The following UNC79 variants were observed in gnomAD, a reference collection of about 807,000 sequenced individuals.
UNC79 encodes the protein unc-79 subunit of NALCN channel complex, also known as protein unc-79 homolog.
A neutral mutation model predicts 283.1 loss-of-function variants in UNC79; 37 were observed. The ratio of observed to expected loss-of-function variants is 0.13; its 90% CI spans 0.10 to 0.17. UNC79 has a LOEUF of 0.17. Ranked by LOEUF, UNC79 falls within the 10% of genes least tolerant of loss-of-function variation. The probability of loss-of-function intolerance (pLI) is 1.00; values close to 1 mark genes in which losing one functional copy is unlikely to be tolerated. For synonymous variants in UNC79, 1,107 were observed against 1,200.2 expected (o/e 0.92, Z 1.61); for missense variants, 2,272 against 3,211.1 (o/e 0.71, Z 7.07).
At chr14:93,457,197 C>T (rs1036750321) in intron 1 of UNC79, among the ~76,000 whole-genome samples, 2 of 152,214 alleles carry the variant, frequency 1.3e-5, no homozygotes, top group Non-Finnish European at 2.9e-5. Context: ...ATTCAACAAA[C>T]ATTTAGGACC....
Position 93,593,560 on chromosome 14 carries a change from C to G in UNC79, c.3033-120C>G, listed in dbSNP as rs1266433566. ...ATCCTCTCGTGGATGAGTGTCATTT[C>G]ACCAAAAGCACCCCTACCCACCGTC... On this transcript the variant is annotated intron_variant, in intron 22 of 48. Transcript: ENST00000555664. 3 of 1,186,634 alleles carry G rather than the reference C, an allele frequency of 2.5e-6. No individual in the cohort carries two copies. In the East Asian group the frequency reaches 7.3e-5, roughly 29 times the overall value. The allele number at this position is 1,186,634 out of a possible 1,614,324, so 73.5% of individuals were successfully genotyped here.
chr14:93,660,107 C>T (rs2071380097), intron 39 of UNC79, among the ~76,000 whole-genome samples: 1 of 152,156 alleles, frequency 6.6e-6, no homozygotes, highest in African/African-American at 2.4e-5. Context: ...GCATTCGCTG[C>T]AGTGGTACAA....
At chr14:93,373,029 A>G (rs1273796668) in intron 1 of UNC79, among the ~76,000 whole-genome samples, 2 of 152,254 alleles carry the variant, frequency 1.3e-5, no homozygotes, top group African/African-American at 4.8e-5. Flanking sequence ...GAAAATTTCA[A>G]AGTACTTGGA....
At chr14:93,652,580 AT>A (rs2070407682) in intron 35 of UNC79, among the ~76,000 whole-genome samples, 3 of 152,194 alleles carry the variant, frequency 2.0e-5, no homozygotes, top group Middle Eastern at 6.8e-3. Context: ...TTTTGTCATG[AT>A]GTGTGTTGAC....
At chr14:93,616,049 C>T (rs529998525) in intron 27 of UNC79, among the ~76,000 whole-genome samples, 1 of 151,888 alleles carries the variant, frequency 6.6e-6, no homozygotes, top group African/African-American at 2.4e-5. Context: ...TGGTTAAGTT[C>T]TTTAGTGGTG....
At position 93,335,632 on chromosome 14, in the gene UNC79, C is replaced by G. The variant is rs143672167; in HGVS notation, c.-351+2109C>G. On this transcript the variant is annotated intron_variant, in intron 1 of 49. Transcript: ENST00000256339. ...CACACTCTCAGAGGAGATGTTTCTT[C>G]TTACTCTATTTCTCCGGGATTATGA... is the stretch of plus-strand genomic sequence containing the variant. Among the ~76,000 whole-genome samples, 652 of 152,326 alleles carry G rather than the reference C, an allele frequency of 4.3e-3. 5 individuals are homozygous for G. Among genetic ancestry groups the G allele is most frequent in the African/African-American group, 0.015 (614 of 41,566 alleles).
At chr14:93,692,352 AAAG>A (rs2074762299) in intron 46 of UNC79, among the ~76,000 whole-genome samples, 1 of 152,212 alleles carries the variant, frequency 6.6e-6, no homozygotes, top group African/African-American at 2.4e-5. Flanking sequence ...GAATATTAAA[AAAG>A]CAAACAAGTA....
intron 29 of UNC79, chr14:93,620,997 G>A: frequency 1.9e-6 from 1 of 518,352 alleles, no homozygotes; most frequent in Non-Finnish European, 3.9e-6. Context: ...ATAGGCGGCA[G>A]CAAAATGGTG....
intron 26 of UNC79, among the ~76,000 whole-genome samples, chr14:93,610,652 C>G (rs960295224): frequency 6.6e-6 from 1 of 151,094 alleles, no homozygotes; most frequent in Non-Finnish European, 1.5e-5. Flanking sequence ...GCTTTGTTGC[C>G]CAGGCTGGAG....
At position 93,583,896 on chromosome 14, in the gene UNC79, C is replaced by T. The variant is rs549537108; in HGVS notation, c.2803+1552C>T. 8.6e-4 allele frequency among the ~76,000 whole-genome samples: 131 copies of T among 151,662 alleles called. 1 individual carries two copies. The highest frequency in any genetic ancestry group is 3.1e-3 in the African/African-American group (129 of 41,328). On this transcript the variant is annotated intron_variant, in intron 20 of 48. Coordinates refer to ENST00000555664, the Ensembl canonical transcript of UNC79. ...TCACGGCTCACTCCAGCCTTGACCA[C>T]CTGGGCTCAAGCAGTCCTCCCACCT...
chr14:93,593,214 CTTGA>C (rs1403728799), intron 22 of UNC79, among the ~76,000 whole-genome samples: 4 of 152,194 alleles, frequency 2.6e-5, no homozygotes, highest in Non-Finnish European at 5.9e-5. Flanking sequence ...GGTTGGGGAG[CTTGA>C]TTGATGACCT....
At chr14:93,550,978 G>C (rs2061862334) in intron 14 of UNC79, among the ~76,000 whole-genome samples, 1 of 152,140 alleles carries the variant, frequency 6.6e-6, no homozygotes, top group African/African-American at 2.4e-5. Flanking sequence ...GGAGGCACAA[G>C]AATCCCCGAG....
At chr14:93,588,444 A>G (rs2064370742) in intron 22 of UNC79, among the ~76,000 whole-genome samples, 1 of 152,204 alleles carries the variant, frequency 6.6e-6, no homozygotes, top group Non-Finnish European at 1.5e-5. Context: ...TTTTTAGGAT[A>G]AAGAAAATCT....
chr14:93,473,036 C>T (rs1309910525), intron 2 of UNC79, among the ~76,000 whole-genome samples: 5 of 152,074 alleles, frequency 3.3e-5, no homozygotes, highest in East Asian at 1.9e-4. Context: ...ATCACTTTTA[C>T]CAAAAAGGTT....
intron 1 of UNC79, among the ~76,000 whole-genome samples, chr14:93,356,026 CTT>C (rs56265512): frequency 1.4e-3 from 172 of 122,464 alleles, no homozygotes; most frequent in Middle Eastern, 4.3e-3. Flanking sequence ...TACTAGTGTA[CTT>C]TTTTTTTTTT....
intron 19 of UNC79, among the ~76,000 whole-genome samples, chr14:93,580,994 C>CCA (rs1475095366): frequency 1.3e-5 from 2 of 152,078 alleles, no homozygotes; most frequent in African/African-American, 4.8e-5. Context: ...CAGGCATGAG[C>CCA]CACCATGCCT....
intron 14 of UNC79, among the ~76,000 whole-genome samples, chr14:93,548,229 A>G (rs1267775926): frequency 2.0e-5 from 3 of 152,144 alleles, no homozygotes; most frequent in African/African-American, 7.2e-5. Flanking sequence ...GTTCATAGAT[A>G]GTGCTTTCTG....
intron 4 of UNC79, among the ~76,000 whole-genome samples, 173 bp downstream of exon 4, chr14:93,477,901 GA>G (rs2057895614): frequency 6.6e-6 from 1 of 152,168 alleles, no homozygotes; most frequent in Non-Finnish European, 1.5e-5. Flanking sequence ...GAAAGTCAAA[GA>G]AATGAAAGGC....
chr14:93,466,301 C>T (rs1182582199), intron 1 of UNC79, among the ~76,000 whole-genome samples: 1 of 151,994 alleles, frequency 6.6e-6, no homozygotes, highest in Non-Finnish European at 1.5e-5. Flanking sequence ...CAGTGATTAA[C>T]CTGGTAACTT....
Sources: gnomAD v4.1 joint callset for allele counts (sites outside exome capture counted in the v4.1 genomes callset) on GRCh38, gnomAD v4.1.1 for gene constraint, MANE v1.5 for transcripts, NCBI Gene and HGNC (gene_info 2026-07-23, HGNC 2026-07-21) for gene names.